Variants in NDUFB9 observed in about 807,000 individuals in gnomAD.
NDUFB9 encodes NADH dehydrogenase [ubiquinone] 1 beta subcomplex subunit 9.
NDUFB9 carries 24 observed loss-of-function variants against 30.2 expected under a neutral mutation model. That is an observed-to-expected ratio of 0.80 (90% CI 0.58 to 1.12). The LOEUF (loss-of-function observed/expected upper bound fraction) is 1.12. NDUFB9 is among the 50% of genes most tolerant of loss of function. The pLI is 0.00. For missense variants in NDUFB9, 204 were observed against 226.0 expected (o/e 0.90, Z 0.62); for synonymous variants, 80 against 84.0 (o/e 0.95, Z 0.26).
chr8:124,545,251 G>C (rs1394626737), intron 2 of NDUFB9, among the ~76,000 whole-genome samples: 1 of 152,234 alleles, frequency 6.6e-6, no homozygotes, highest in Admixed American at 6.5e-5. Context: ...AGCAGTAGCA[G>C]GGTTTGAGAG....
intron 1 of NDUFB9, among the ~76,000 whole-genome samples, chr8:124,541,761 G>A (rs1224639594): frequency 6.6e-6 from 1 of 151,958 alleles, no homozygotes; most frequent in Non-Finnish European, 1.5e-5. Context: ...GCGCCACCAC[G>A]CCTGGCTAAT....
chr8:124,542,893 C>A, intron 1 of NDUFB9, 194 bp from the exon 2 acceptor site: 6 of 477,336 alleles, frequency 1.3e-5, no homozygotes, highest in East Asian at 4.1e-5. Context: ...ATATTTAATA[C>A]AGTATTTTTT....
Position 124,543,254 on chromosome 8 carries a change from C to A in NDUFB9, c.269C>A (p.Ser90Tyr). 1 of 1,614,066 alleles carries A rather than the reference C, an allele frequency of 6.2e-7. No homozygotes were observed. The highest frequency in any genetic ancestry group is 8.5e-7 in the Non-Finnish European group (1 of 1,179,930). The change falls in exon 2 of 4, where the codon TCC becomes TAC. Residue 90 changes from serine to tyrosine, a missense_variant. Physicochemically the swap from Ser to Tyr is moderately radical, Grantham distance 144 (BLOSUM62 -2). Transcript: ENST00000276689. Reference sequence around the variant, plus strand: ...TTCCCTGACTCTCCTGGGGGCACCTCCTATGAGAGATACGATTGCTACAAG... The same window carrying A: ...TTCCCTGACTCTCCTGGGGGCACCTACTATGAGAGATACGATTGCTACAAG... Reference protein sequence around the residue: ...YIFPDSPGGTSYERYDCYKVP... With the variant: ...YIFPDSPGGTYYERYDCYKVP...
Position 124,539,177 on chromosome 8 carries a change from C to T in NDUFB9, c.-10C>T. The T allele has an allele frequency of 1.9e-6, 3 of 1,614,152 alleles. No individual in the cohort carries two copies. The highest frequency in any genetic ancestry group is 2.2e-5 in the South Asian group (2 of 91,080). ...GGCTCTCCGCGCGGCCGGGGAAGGT[C>T]AGCGCCGTAATGGCGTTCTTGGCGT... On this transcript the variant is annotated 5_prime_UTR_variant, in exon 1 of 4. Coordinates refer to ENST00000276689, the MANE Select transcript of NDUFB9 (RefSeq NM_005005.3).
At position 124,549,907 on chromosome 8, in the gene NDUFB9, C is replaced by T. The variant is rs1563710895; in HGVS notation, c.*15C>T. Reference sequence around the variant, plus strand: ...GGCCCATGTAGAAAGAGAGAGACCTCATCTTTCATGCTTGCAAGTGAAATA... The same window carrying T: ...GGCCCATGTAGAAAGAGAGAGACCTTATCTTTCATGCTTGCAAGTGAAATA... On this transcript the variant is annotated 3_prime_UTR_variant, in exon 4 of 4. Transcript: ENST00000276689. The T allele has an allele frequency of 6.2e-7, 1 of 1,614,042 alleles. No individual in the cohort carries two copies. The highest frequency in any genetic ancestry group is 1.7e-5 in the Admixed American group (1 of 60,028).
In NDUFB9 at chr8:124,547,405, TCTCCA is replaced by T. The variant is rs374799342; in HGVS notation, c.408+295_408+299del. 1,492 of 598,542 alleles carry T rather than the reference TCTCCA, an allele frequency of 2.5e-3. 18 individuals are homozygous for T. The highest frequency in any genetic ancestry group is 0.025 in the African/African-American group (1,327 of 53,872). 37.1% of individuals were successfully genotyped at this position (598,542 alleles called of 1,614,324 possible). A position where few individuals can be genotyped will look rare whatever the true frequency, so the allele number is the denominator to read the frequency against. On this transcript the variant is annotated intron_variant, in intron 3 of 3. Transcript: ENST00000276689. ...TTGCTATACTTTCCCTCAACCTGCC[TCTCCA>T]CTATTTTCTTAGGCATTTTTCAGTC...
chr8:124,541,529 A>T (rs1821986474), intron 1 of NDUFB9, among the ~76,000 whole-genome samples: 1 of 152,232 alleles, frequency 6.6e-6, no homozygotes, highest in South Asian at 2.1e-4. Context: ...TTGACTGTTT[A>T]TGACAACCTT....
chr8:124,547,639 CGACT>C (rs1207200498), intron 3 of NDUFB9, among the ~76,000 whole-genome samples: 6 of 152,014 alleles, frequency 3.9e-5, no homozygotes, highest in African/African-American at 1.4e-4. Context: ...AGGGATGTGA[CGACT>C]GACTGGATGT....
intron 2 of NDUFB9, among the ~76,000 whole-genome samples, chr8:124,543,986 G>A (rs1822096795): frequency 6.6e-6 from 1 of 152,184 alleles, no homozygotes; most frequent in South Asian, 2.1e-4. Flanking sequence ...AGAAAGCAAG[G>A]CCTTTTCCGC....
Position 124,549,843 on chromosome 8 carries a change from C to T in NDUFB9, c.491C>T (p.Pro164Leu). 6.2e-7 allele frequency: 1 copy of T among 1,614,170 alleles called. No homozygotes were observed. Among genetic ancestry groups the T allele is most frequent in the Non-Finnish European group, 8.5e-7 (1 of 1,180,034 alleles). Residue 164 changes from proline (P) to leucine (L), a missense_variant, in exon 4 of 4, where the codon CCC (proline) becomes CTC (leucine). Coordinates refer to ENST00000276689, the MANE Select transcript of NDUFB9 (RefSeq NM_005005.3). ...LPPARKEGDL[P>L]PLWWYIVTRP... Reference sequence around the variant, plus strand: ...CCTGCCCGAAAGGAAGGTGATTTGCCCCCACTGTGGTGGTATATTGTGACC... The same window carrying T: ...CCTGCCCGAAAGGAAGGTGATTTGCTCCCACTGTGGTGGTATATTGTGACC...
chr8:124,545,145 C>T (rs532917888), intron 2 of NDUFB9, among the ~76,000 whole-genome samples: 68 of 152,270 alleles, frequency 4.5e-4, no homozygotes, highest in Non-Finnish European at 8.1e-4. Context: ...TGGATGAATA[C>T]GAAAGTGGTT....
Position 124,543,292 on chromosome 8 carries a change from T to G in NDUFB9, c.294+13T>G. Reference sequence around the variant, plus strand: ...CGATTGCTACAAGGTAGGTGAGAATTATGATGACTGCCTTCTGAGAAATAG... The same window carrying G: ...CGATTGCTACAAGGTAGGTGAGAATGATGATGACTGCCTTCTGAGAAATAG... On this transcript the variant is annotated intron_variant, in intron 2 of 3. Transcript: ENST00000276689. The G allele has an allele frequency of 6.2e-7, 1 of 1,607,796 alleles. No homozygotes were observed. Among genetic ancestry groups the G allele is most frequent in the Non-Finnish European group, 8.5e-7 (1 of 1,174,230 alleles).
chr8:124,547,346 T>C, intron 3 of NDUFB9: 2 of 630,496 alleles, frequency 3.2e-6, no homozygotes, highest in Non-Finnish European at 5.7e-6. Context: ...CAGATCTCCT[T>C]CTCTTTAGTC....
chr8:124,542,211 C>T (rs111795428), intron 1 of NDUFB9, among the ~76,000 whole-genome samples: 12,983 of 151,468 alleles, frequency 0.086, 849 homozygotes, highest in South Asian at 0.29. Flanking sequence ...CCACCATGCC[C>T]GGCCTCATTT....
intron 3 of NDUFB9, among the ~76,000 whole-genome samples, chr8:124,548,510 A>G (rs1016147745): frequency 6.6e-6 from 1 of 152,044 alleles, no homozygotes; most frequent in Non-Finnish European, 1.5e-5. Flanking sequence ...CTTGCTGGAG[A>G]GTAGTAGGAT....
At position 124,549,867 on chromosome 8, in the gene NDUFB9, C is replaced by G. The variant is rs1255237756; in HGVS notation, c.515C>G (p.Thr172Ser). Residue 172 changes from threonine (T) to serine (S), a missense_variant, in exon 4 of 4, where the codon ACC (threonine) becomes AGC (serine). Transcript: ENST00000276689. ...DLPPLWWYIV[T>S]RPRERPM ...CCCCCACTGTGGTGGTATATTGTGA[C>G]CAGACCCCGGGAGCGGCCCATGTAG... 2.5e-6 allele frequency: 4 copies of G among 1,614,094 alleles called. No homozygotes were observed. Among genetic ancestry groups the G allele is most frequent in the Non-Finnish European group, 2.5e-6 (3 of 1,180,044 alleles).
At chr8:124,539,544 G>A in intron 1 of NDUFB9, 1 of 511,090 alleles carries the variant, frequency 2.0e-6, no homozygotes, top group Non-Finnish European at 3.5e-6. Context: ...CAGCGCAGAG[G>A]GTCGCAGGAA....
At chr8:124,541,570 T>C (rs1351004133) in intron 1 of NDUFB9, among the ~76,000 whole-genome samples, 2 of 152,236 alleles carry the variant, frequency 1.3e-5, no homozygotes, top group African/African-American at 4.8e-5. Flanking sequence ...GCCACTGTTT[T>C]ACAGAGGAGG....
At position 124,539,178 on chromosome 8, in the gene NDUFB9, A is replaced by C. The variant is rs1821799332; in HGVS notation, c.-9A>C. The C allele has an allele frequency of 1.9e-6, 3 of 1,614,134 alleles. No homozygotes were observed. Among genetic ancestry groups the C allele is most frequent in the Non-Finnish European group, 2.5e-6 (3 of 1,179,976 alleles). On this transcript the variant is annotated 5_prime_UTR_variant, in exon 1 of 4. Coordinates refer to ENST00000276689, the MANE Select transcript of NDUFB9 (RefSeq NM_005005.3). ...GCTCTCCGCGCGGCCGGGGAAGGTC[A>C]GCGCCGTAATGGCGTTCTTGGCGTC... is the stretch of plus-strand genomic sequence containing the variant.
Sources: allele counts gnomAD v4.1 joint callset (sites outside exome capture counted in the v4.1 genomes callset), GRCh38; gene constraint gnomAD v4.1.1; transcripts MANE v1.5; gene names NCBI Gene and HGNC (gene_info 2026-07-23, HGNC 2026-07-21).